The following NDRG3 variants were observed in gnomAD, a reference collection of about 807,000 sequenced individuals.
The protein encoded by NDRG3 is protein NDRG3.
NDRG3 carries 23 observed loss-of-function variants against 57.2 expected under a neutral mutation model. That is an observed-to-expected ratio of 0.40 (90% CI 0.29 to 0.57). NDRG3 has a LOEUF of 0.57. Ranked by LOEUF, NDRG3 falls within the 20% of genes least tolerant of loss-of-function variation. The probability of loss-of-function intolerance (pLI) is 0.42; values close to 1 mark genes in which losing one functional copy is unlikely to be tolerated. For missense variants in NDRG3, 384 were observed against 457.3 expected, an observed-to-expected ratio of 0.84 and a Z score of 1.46; for synonymous variants, 132 against 162.6, an observed-to-expected ratio of 0.81 and a Z score of 1.43.
At chr20:36,723,751 G>A (rs1368883442) in intron 1 of NDRG3, among the ~76,000 whole-genome samples, 1 of 149,572 alleles carries the variant, frequency 6.7e-6, no homozygotes, top group Non-Finnish European at 1.5e-5. Flanking sequence ...CTGTCACCCA[G>A]GCTGGAGTGC....
intron 2 of NDRG3, among the ~76,000 whole-genome samples, chr20:36,720,297 T>C (rs1270962170): frequency 6.6e-6 from 1 of 151,302 alleles, no homozygotes; most frequent in African/African-American, 2.4e-5. Flanking sequence ...CTCAGCCTCC[T>C]GAGTAGCTGG....
intron 1 of NDRG3, among the ~76,000 whole-genome samples, chr20:36,732,200 C>T (rs1273647010): frequency 6.6e-6 from 1 of 152,074 alleles, no homozygotes. Flanking sequence ...ACCAGGAATC[C>T]AGGAGAGACA....
chr20:36,676,518 A>G (rs970859511), intron 8 of NDRG3, among the ~76,000 whole-genome samples: 73 of 152,268 alleles, frequency 4.8e-4, no homozygotes, highest in African/African-American at 1.7e-3. Context: ...GCTGGAGTGC[A>G]ATGGCACGAT....
At chr20:36,681,014 G>C (rs1054803420) in intron 7 of NDRG3, 112 bp from the exon 8 acceptor site, 2 of 791,374 alleles carry the variant, frequency 2.5e-6, no homozygotes, top group African/African-American at 3.4e-5. Flanking sequence ...CCTCACATTT[G>C]AAAGTAAGAC....
chr20:36,695,263 G>T (rs998922261), intron 3 of NDRG3, among the ~76,000 whole-genome samples: 1 of 152,088 alleles, frequency 6.6e-6, no homozygotes, highest in African/African-American at 2.4e-5. Context: ...TGATGATTGC[G>T]TTAACTGCAC....
In NDRG3 at chr20:36,652,328, G is replaced by C. The variant is rs1024022267; in HGVS notation, c.*1192C>G. The C allele has an allele frequency of 6.6e-6, 1 of 151,840 alleles. No homozygotes were observed. Among genetic ancestry groups the C allele is most frequent in the Non-Finnish European group, 1.5e-5 (1 of 68,048 alleles). The allele number at this position is 151,840 out of a possible 1,614,324, so 9.4% of individuals were successfully genotyped here. A position where few individuals can be genotyped will look rare whatever the true frequency, so the allele number is the denominator to read the frequency against. On this transcript the variant is annotated 3_prime_UTR_variant, in exon 16 of 16. Coordinates refer to ENST00000349004, the MANE Select transcript of NDRG3 (RefSeq NM_032013.4). ...CTCGGGAGGCTGAGGCAGGAGAATC[G>C]CTTGAACCCAGGGGGCAGAGGTTGC...
At chr20:36,682,745 T>C (rs551668679) in intron 6 of NDRG3, among the ~76,000 whole-genome samples, 167 bp from the exon 7 acceptor site, 37 of 152,338 alleles carry the variant, frequency 2.4e-4, no homozygotes, top group African/African-American at 8.9e-4. Flanking sequence ...GAGCCTCAGT[T>C]CCTTATTTAT....
At chr20:36,693,321 A>G (rs1982500980) in intron 3 of NDRG3, among the ~76,000 whole-genome samples, 1 of 150,342 alleles carries the variant, frequency 6.7e-6, no homozygotes, top group Non-Finnish European at 1.5e-5. Context: ...GTGACCCTCA[A>G]ACAACACAAG....
chr20:36,714,396 C>A (rs1984096972), intron 2 of NDRG3, among the ~76,000 whole-genome samples: 1 of 135,494 alleles, frequency 7.4e-6, no homozygotes. Context: ...CAGAGCAAGA[C>A]TCCAACTCAA....
At chr20:36,667,607 C>T (rs532789312) in intron 9 of NDRG3, among the ~76,000 whole-genome samples, 8 of 152,162 alleles carry the variant, frequency 5.3e-5, no homozygotes, top group Non-Finnish European at 1.0e-4. Context: ...TTCTTGAGTA[C>T]ATAAGCATAC....
At position 36,707,015 on chromosome 20, in the gene NDRG3, C is replaced by A. The variant is rs1011984348; in HGVS notation, c.58-8G>T. ...GAAGTTTCTTGTACCATTCTGTCAACAGAAGACAGAAAACACAGTCAGTTT... is the reference window on the plus strand; with the variant it reads ...GAAGTTTCTTGTACCATTCTGTCAAAAGAAGACAGAAAACACAGTCAGTTT... On this transcript the variant is annotated splice_polypyrimidine_tract_variant and splice_region_variant and intron_variant, in intron 2 of 15. Transcript: ENST00000349004. The A allele has an allele frequency of 1.2e-6, 2 of 1,613,148 alleles. No homozygotes were observed. Among genetic ancestry groups the A allele is most frequent in the Non-Finnish European group, 1.7e-6 (2 of 1,179,358 alleles).
intron 1 of NDRG3, among the ~76,000 whole-genome samples, chr20:36,730,203 T>C (rs1392639095): frequency 2.7e-5 from 4 of 149,788 alleles, no homozygotes; most frequent in Admixed American, 2.7e-4. Flanking sequence ...GGTGAGATTG[T>C]GCCACTGCAC....
chr20:36,682,609 A>G, intron 6 of NDRG3, 31 bp from the exon 7 acceptor site: 1 of 1,591,514 alleles, frequency 6.3e-7, no homozygotes, highest in Non-Finnish European at 8.6e-7. Flanking sequence ...CAACTGACAG[A>G]GTCAACTTCA....
chr20:36,676,557 G>C (rs1980732752), intron 8 of NDRG3, among the ~76,000 whole-genome samples: 1 of 152,112 alleles, frequency 6.6e-6, no homozygotes, highest in Non-Finnish European at 1.5e-5. Flanking sequence ...CTGCCTCCTG[G>C]GTTCAAGCAA....
intron 9 of NDRG3, among the ~76,000 whole-genome samples, chr20:36,671,026 A>G (rs1424544079): frequency 6.6e-6 from 1 of 152,196 alleles, no homozygotes; most frequent in African/African-American, 2.4e-5. Context: ...ATTTCTGTGA[A>G]GCCTTTCCCA....
chr20:36,731,177 G>A lies in NDRG3; in HGVS notation c.-48-9394C>T, dbSNP rs866825180. Among the ~76,000 whole-genome samples the A allele has an allele frequency of 3.3e-5, 5 of 152,202 alleles. 1 individual carries two copies. Among genetic ancestry groups the A allele is most frequent in the South Asian group, 4.1e-4 (2 of 4,828 alleles). On this transcript the variant is annotated intron_variant, in intron 1 of 15. Transcript: ENST00000349004. ...GAATGAGTGAGGTAAGCCTCCAAAC[G>A]ACCACCAAACCAGAGATAAGGAGGT...
chr20:36,683,336 G>A (rs928091081), intron 6 of NDRG3, among the ~76,000 whole-genome samples: 3 of 152,036 alleles, frequency 2.0e-5, no homozygotes, highest in East Asian at 1.9e-4. Context: ...AACTGAGACC[G>A]GGGGCAGTGG....
intron 2 of NDRG3, among the ~76,000 whole-genome samples, chr20:36,708,211 C>G (rs1983658871): frequency 6.6e-6 from 1 of 152,252 alleles, no homozygotes; most frequent in Non-Finnish European, 1.5e-5. Flanking sequence ...ACTGATTTAT[C>G]ACAACTATTT....
chr20:36,735,208 A>G (rs566029057), intron 1 of NDRG3, among the ~76,000 whole-genome samples: 1 of 152,226 alleles, frequency 6.6e-6, no homozygotes, highest in Non-Finnish European at 1.5e-5. Flanking sequence ...CCAGTGGCAC[A>G]TGTTGAGCAT....
Sources: allele counts gnomAD v4.1 joint callset (sites outside exome capture counted in the v4.1 genomes callset), GRCh38; gene constraint gnomAD v4.1.1; transcripts MANE v1.5; gene names NCBI Gene and HGNC (gene_info 2026-07-23, HGNC 2026-07-21).